Variants in ESPN observed in about 807,000 individuals in gnomAD.
ESPN encodes autosomal recessive deafness type 36 protein.
ESPN carries 68 observed loss-of-function variants against 77.7 expected under a neutral mutation model. That is an observed-to-expected ratio of 0.87 (90% CI 0.72 to 1.07). The LOEUF (loss-of-function observed/expected upper bound fraction) is 1.07, where lower values mean the gene tolerates loss of function less well. ESPN is among the 50% of genes least tolerant of loss of function. ESPN has a pLI of 0.00. For synonymous variants in ESPN, 449 were observed against 567.1 expected (o/e 0.79, Z 2.96); for missense variants, 1,060 against 1,239.0 (o/e 0.86, Z 2.17).
rs1214165165 is a variant in ESPN at position 6,457,359 on chromosome 1, A to G, written c.2406-2A>G. On this transcript the variant is annotated splice_acceptor_variant, in intron 11 of 12. Transcript: ENST00000645284. LOFTEE classifies it high-confidence loss of function. ...AGTGACACTGTCTCTTTTTCCTTCC[A>G]GGGAGCAGAAGCGGTGAGTGCAGGG... 3.7e-6 allele frequency: 6 copies of G among 1,614,172 alleles called. No homozygotes were observed. The South Asian group carries it at 6.6e-5, about 18-fold the overall frequency.
Position 6,444,606 on chromosome 1 carries a change from G to A in ESPN, c.1116G>A (p.Ser372=), listed in dbSNP as rs771737111. The change falls in exon 6 of 13, where the codon TCG becomes TCA. Residue 372 remains serine, a synonymous_variant. Transcript: ENST00000645284. ...SVQPLNFDLS[S]PTSTLSNYDS... is the part of the protein sequence containing the mutation. ...AGCCGCTGAACTTTGACCTCAGCTC[G>A]CCTACCAGCACCCTCTCCAACTACG... 19 of 1,614,162 alleles carry A rather than the reference G, an allele frequency of 1.2e-5. No individual in the cohort carries two copies. The highest frequency in any genetic ancestry group is 1.6e-5 in the Non-Finnish European group (19 of 1,180,024).
chr1:6,435,048 C>T (rs898899086), intron 2 of ESPN, among the ~76,000 whole-genome samples: 1 of 152,122 alleles, frequency 6.6e-6, no homozygotes, highest in African/African-American at 2.4e-5. Context: ...GGAACTATTC[C>T]ATGCTAGCTG....
Position 6,428,244 on chromosome 1 carries a change from G to A in ESPN, c.313G>A (p.Ala105Thr). The A allele has an allele frequency of 6.2e-7, 1 of 1,613,650 alleles. No individual in the cohort carries two copies. Among genetic ancestry groups the A allele is most frequent in the Non-Finnish European group, 8.5e-7 (1 of 1,180,004 alleles). Residue 105 changes from alanine (A) to threonine (T), a missense_variant, in exon 2 of 13, where the codon GCC becomes ACC. Ala to Thr is a moderately conservative substitution (Grantham distance 58, BLOSUM62 0). Transcript: ENST00000645284. The surrounding 1 kb of genome is among the most constrained non-coding windows in gnomAD (Gnocchi z 5.4). ...CCCACAGGACAAAGACAATTCTGGT[G>A]CCACAGTCTTGCATCTGGCTGCCCG... Reference protein sequence around the residue: ...CRVQDKDNSGATVLHLAARFG... With the variant: ...CRVQDKDNSGTTVLHLAARFG...
At chr1:6,456,179 A>G in intron 10 of ESPN, 1 of 398,510 alleles carries the variant, frequency 2.5e-6, no homozygotes, top group Non-Finnish European at 4.4e-6. Flanking sequence ...AGAAGGAGGC[A>G]GAGCTGTTTG....
intron 5 of ESPN, among the ~76,000 whole-genome samples, chr1:6,442,406 T>C: frequency 6.6e-6 from 1 of 150,870 alleles, no homozygotes; most frequent in African/African-American, 2.4e-5. Context: ...CCATCTCTAC[T>C]AAAAATACAA....
intron 7 of ESPN, 83 bp downstream of exon 7, chr1:6,446,018 C>A (rs1643824652): frequency 7.1e-6 from 10 of 1,416,520 alleles, no homozygotes; most frequent in Non-Finnish European, 9.9e-6. Flanking sequence ...CCTGGCCTCA[C>A]TAGTGGGCAT....
At chr1:6,449,190 C>G (rs1447846848) in intron 8 of ESPN, 99 bp downstream of exon 8, 2 of 1,210,696 alleles carry the variant, frequency 1.7e-6, no homozygotes, top group African/African-American at 3.2e-5. Context: ...TGCCCGGGTC[C>G]TTCCTCTTCT....
rs958092805 is a variant in ESPN at position 6,460,206 on chromosome 1, G to C, written c.*60G>C. ...CGTGGGGCCCTCCGCCCCAGCCCCA[G>C]CCAGCCAGGCCCTGGTGGAAAGGCT... is the stretch of plus-strand genomic sequence containing the variant. On this transcript the variant is annotated 3_prime_UTR_variant, in exon 13 of 13. Transcript: ENST00000645284. 198 of 1,582,512 alleles carry C rather than the reference G, an allele frequency of 1.3e-4. No individual in the cohort carries two copies. Among genetic ancestry groups the C allele is most frequent in the Non-Finnish European group, 1.6e-4 (191 of 1,160,852 alleles).
chr1:6,457,041 C>T, intron 10 of ESPN, 143 bp from the exon 11 acceptor site: 1 of 837,928 alleles, frequency 1.2e-6, no homozygotes, highest in East Asian at 2.7e-5. Context: ...GGGGGTGTGA[C>T]CAGGCACCTC....
At chr1:6,445,979 G>A (rs373864906) in intron 7 of ESPN, 44 bp downstream of exon 7, 2 of 1,599,806 alleles carry the variant, frequency 1.3e-6, no homozygotes, top group African/African-American at 1.3e-5. Context: ...CAGGGGGACT[G>A]GGCTGATGGG....
At chr1:6,452,781 T>G (rs1320537241) in intron 10 of ESPN, among the ~76,000 whole-genome samples, 2 of 152,272 alleles carry the variant, frequency 1.3e-5, no homozygotes, top group Non-Finnish European at 2.9e-5. Flanking sequence ...CTGCCGATAC[T>G]GAGCCTCATC....
At chr1:6,452,843 G>C (rs550814702) in intron 10 of ESPN, among the ~76,000 whole-genome samples, 7 of 152,154 alleles carry the variant, frequency 4.6e-5, no homozygotes, top group Admixed American at 3.9e-4. Context: ...CAGCTGGCAG[G>C]ATGAGTTGCC....
intron 7 of ESPN, 135 bp from the exon 8 acceptor site, chr1:6,448,506 T>C (rs1235949145): frequency 8.9e-6 from 6 of 677,588 alleles, no homozygotes; most frequent in Admixed American, 6.7e-5. Flanking sequence ...AACCAGGGGG[T>C]CTAGGAAGTC....
At chr1:6,441,354 A>G (rs973174037) in intron 5 of ESPN, among the ~76,000 whole-genome samples, 59 of 152,346 alleles carry the variant, frequency 3.9e-4, no homozygotes, top group African/African-American at 1.2e-3. Context: ...TCACCTACCC[A>G]TAGACATTAG....
At chr1:6,457,598 AG>A (rs1401352204) in intron 12 of ESPN, among the ~76,000 whole-genome samples, 1 of 152,086 alleles carries the variant, frequency 6.6e-6, no homozygotes, top group African/African-American at 2.4e-5. Flanking sequence ...TCTACCCTTC[AG>A]TTAACCTAAC....
At chr1:6,441,578 G>A (rs546985193) in intron 5 of ESPN, among the ~76,000 whole-genome samples, 2 of 152,276 alleles carry the variant, frequency 1.3e-5, no homozygotes, top group South Asian at 4.1e-4. Flanking sequence ...GGAAACCCAC[G>A]CTACTCTTTT....
chr1:6,430,384 A>G (rs573875971), intron 2 of ESPN, among the ~76,000 whole-genome samples: 4 of 152,320 alleles, frequency 2.6e-5, no homozygotes, highest in African/African-American at 9.6e-5. Flanking sequence ...GAGGAGCTGG[A>G]AGGCTGGACA....
chr1:6,459,720 G>A (rs1441818750), intron 12 of ESPN, among the ~76,000 whole-genome samples: 1 of 151,974 alleles, frequency 6.6e-6, no homozygotes, highest in Non-Finnish European at 1.5e-5. Flanking sequence ...CTCCTCACAT[G>A]GTGCCACACA....
Position 6,460,801 on chromosome 1 carries a change from G to GA in ESPN, c.*655_*656insA. The GA allele has an allele frequency of 4.8e-6, 1 of 209,696 alleles. No homozygotes were observed. The highest frequency in any genetic ancestry group is 5.4e-5 in the Admixed American group (1 of 18,604). The allele number at this position is 209,696 out of a possible 1,614,324, so 13.0% of individuals were successfully genotyped here. On this transcript the variant is annotated 3_prime_UTR_variant, in exon 13 of 13. Transcript: ENST00000645284. ...TCCCCAGCCAGACCCACTCGCTGCC[G>GA]GGACCCTTTCACTGCCCCGGTGGAG...
Sources: allele counts gnomAD v4.1 joint callset (sites outside exome capture counted in the v4.1 genomes callset), GRCh38; gene constraint gnomAD v4.1.1; non-coding constraint Gnocchi (gnomAD v3.1); transcripts MANE v1.5; gene names NCBI Gene and HGNC (gene_info 2026-07-23, HGNC 2026-07-21).